Variants in ZC3H12B observed in about 807,000 individuals in gnomAD.
ZC3H12B encodes probable ribonuclease ZC3H12B.
In ZC3H12B, 7 loss-of-function variants were observed where a neutral mutation model predicts 43.9. The observed-to-expected ratio is 0.16, with a 90% confidence interval of 0.09 to 0.30. ZC3H12B has a LOEUF of 0.30. Ranked by LOEUF, ZC3H12B falls within the 10% of genes least tolerant of loss-of-function variation. The pLI, the probability that ZC3H12B is intolerant of heterozygous loss-of-function variation, is 1.00. For missense variants in ZC3H12B, 475 were observed against 670.2 expected (o/e 0.71, Z 3.22); for synonymous variants, 222 against 241.7 (o/e 0.92, Z 0.76).
the ZC3H12B span, among the ~76,000 whole-genome samples, chrX:65,157,497 TG>T: frequency 8.9e-6 from 1 of 111,990 alleles, no homozygotes; most frequent in African/African-American, 3.2e-5. Flanking sequence ...CTATTTGGTT[TG>T]CCATTAATAT....
chrX:65,089,573 A>G, the ZC3H12B span, among the ~76,000 whole-genome samples: 1 of 111,699 alleles, frequency 9.0e-6, no homozygotes, highest in Non-Finnish European at 1.9e-5. Context: ...AAGCTATACT[A>G]AATTTATTAA....
the ZC3H12B span, among the ~76,000 whole-genome samples, chrX:65,345,977 A>G: frequency 3.6e-5 from 4 of 111,787 alleles, no homozygotes; most frequent in Non-Finnish European, 5.6e-5. Context: ...GATGACAAAA[A>G]CAAATGGAAA....
chrX:65,333,187 G>A, the ZC3H12B span, among the ~76,000 whole-genome samples: 2 of 111,225 alleles, frequency 1.8e-5, no homozygotes, highest in Admixed American at 1.9e-4. Context: ...TGTAGACAAG[G>A]TAGGGGGCCA....
chrX:65,305,200 G>T, the ZC3H12B span, among the ~76,000 whole-genome samples: 24 of 111,461 alleles, frequency 2.2e-4, no homozygotes, highest in African/African-American at 7.8e-4. Flanking sequence ...GTACTATTTA[G>T]TTAAACTTTA....
At chrX:65,120,050 C>A in the ZC3H12B span, among the ~76,000 whole-genome samples, 6 of 111,753 alleles carry the variant, frequency 5.4e-5, no homozygotes, top group Admixed American at 9.5e-5. Flanking sequence ...GTTACTGTAG[C>A]CTTGTAGTAT....
the ZC3H12B span, among the ~76,000 whole-genome samples, chrX:65,060,464 A>T: frequency 1.8e-5 from 2 of 111,897 alleles, no homozygotes; most frequent in Admixed American, 9.5e-5. Flanking sequence ...TGGTCATATG[A>T]TTTTTATGTT....
the ZC3H12B span, among the ~76,000 whole-genome samples, chrX:65,211,181 G>T: frequency 3.9e-5 from 4 of 102,846 alleles, no homozygotes; most frequent in Middle Eastern, 0.02. Context: ...TTGTAAATTT[G>T]TTTCTTTGTA....
At chrX:65,255,650 A>G in the ZC3H12B span, among the ~76,000 whole-genome samples, 2 of 112,062 alleles carry the variant, frequency 1.8e-5, no homozygotes. Flanking sequence ...ATAATAACCA[A>G]CTAGCAACAT....
chrX:65,382,164 G>C (rs2066451342), intron 2 of ZC3H12B, among the ~76,000 whole-genome samples: 1 of 111,082 alleles, frequency 9.0e-6, no homozygotes, highest in Non-Finnish European at 1.9e-5. Context: ...GAGAATTTTA[G>C]ACCAATATGC....
At chrX:65,241,653 C>A in the ZC3H12B span, among the ~76,000 whole-genome samples, 1 of 112,751 alleles carries the variant, frequency 8.9e-6, no homozygotes, top group Admixed American at 9.3e-5. Context: ...ACTGCCTGGA[C>A]CCACTGGATT....
upstream of ZC3H12B, among the ~76,000 whole-genome samples, chrX:65,485,625 C>G (rs2068115430): frequency 8.9e-6 from 1 of 112,104 alleles, no homozygotes; most frequent in Non-Finnish European, 1.9e-5. Context: ...AATCACCTTC[C>G]TTTTTTGAGC....
At chrX:65,071,086 A>G in the ZC3H12B span, among the ~76,000 whole-genome samples, 1 of 109,379 alleles carries the variant, frequency 9.1e-6, no homozygotes, top group Non-Finnish European at 1.9e-5. Flanking sequence ...GTGTGAAACA[A>G]AGTCTCTTCA....
At chrX:65,273,451 G>T in the ZC3H12B span, among the ~76,000 whole-genome samples, 45 of 111,177 alleles carry the variant, frequency 4.0e-4, no homozygotes, top group Non-Finnish European at 7.4e-4. Flanking sequence ...TAAGGGACTT[G>T]TGGCACATGA....
the ZC3H12B span, among the ~76,000 whole-genome samples, chrX:65,190,975 C>G: frequency 1.1e-5 from 1 of 90,608 alleles, no homozygotes; most frequent in African/African-American, 5.2e-5. Flanking sequence ...TATGTCCCAT[C>G]AATACCTAAT....
the ZC3H12B span, among the ~76,000 whole-genome samples, chrX:65,120,273 C>T: frequency 8.9e-6 from 1 of 111,936 alleles, no homozygotes; most frequent in Non-Finnish European, 1.9e-5. Flanking sequence ...TTCTTGCTAT[C>T]CATGAGCATC....
At chrX:65,299,647 G>A in the ZC3H12B span, among the ~76,000 whole-genome samples, 3 of 111,991 alleles carry the variant, frequency 2.7e-5, no homozygotes, top group African/African-American at 6.5e-5. Flanking sequence ...GAGAAAAATG[G>A]CAGCTAACAG....
At chrX:65,215,452 C>T in the ZC3H12B span, among the ~76,000 whole-genome samples, 4 of 110,846 alleles carry the variant, frequency 3.6e-5, no homozygotes, top group Admixed American at 1.9e-4. Flanking sequence ...GAGACGGCTG[C>T]TTTACTTCAA....
At chrX:65,251,526 G>A in the ZC3H12B span, among the ~76,000 whole-genome samples, 1 of 111,290 alleles carries the variant, frequency 9.0e-6, no homozygotes, top group African/African-American at 3.3e-5. Flanking sequence ...AAATTACCTT[G>A]GACCGTATGG....
At chrX:65,460,588 G>C (rs1378468429) in intron 3 of ZC3H12B, among the ~76,000 whole-genome samples, 2 of 111,798 alleles carry the variant, frequency 1.8e-5, no homozygotes, top group Non-Finnish European at 3.8e-5. Flanking sequence ...TGGCAAACCT[G>C]ACAAAAACAA....
Sources: allele counts gnomAD v4.1 joint callset (sites outside exome capture counted in the v4.1 genomes callset), GRCh38; gene constraint gnomAD v4.1.1; transcripts MANE v1.5; gene names NCBI Gene and HGNC (gene_info 2026-07-23, HGNC 2026-07-21).